The following SGSM1 variants were observed in gnomAD, a reference collection of about 807,000 sequenced individuals.
SGSM1 encodes the protein small G protein signaling modulator 1.
SGSM1 carries 73 observed loss-of-function variants against 133.8 expected under a neutral mutation model. The ratio of observed to expected loss-of-function variants is 0.55; its 90% confidence interval spans 0.45 to 0.66. The LOEUF is 0.66. Among genes scored for constraint, SGSM1 ranks in the 30% least tolerant of loss-of-function variants. The pLI is 0.00. For missense variants in SGSM1, 1,213 were observed against 1,448.1 expected (o/e 0.84, Z 2.64); for synonymous variants, 563 against 573.0 (o/e 0.98, Z 0.25).
At chr22:24,870,443 TC>T (rs993699424) in intron 12 of SGSM1, among the ~76,000 whole-genome samples, 20 of 152,308 alleles carry the variant, frequency 1.3e-4, no homozygotes, top group African/African-American at 4.8e-4. Flanking sequence ...CTCCACAGCT[TC>T]TCATCCAACA....
intron 2 of SGSM1, among the ~76,000 whole-genome samples, chr22:24,810,295 C>T (rs1427447276): frequency 1.6e-4 from 25 of 151,764 alleles, no homozygotes; most frequent in Non-Finnish European, 5.9e-5. Flanking sequence ...ATAAACCCTG[C>T]GAGAACACCC....
chr22:24,885,664 C>T (rs1488327635), intron 15 of SGSM1, among the ~76,000 whole-genome samples: 2 of 151,262 alleles, frequency 1.3e-5, no homozygotes, highest in African/African-American at 2.4e-5. Context: ...CCTCGTGATC[C>T]GCCTGCCTCG....
chr22:24,867,042 A>G lies in SGSM1; in HGVS notation c.927-51A>G, dbSNP rs2147872259. 4 of 1,587,446 alleles carry G rather than the reference A, an allele frequency of 2.5e-6. No homozygotes were observed. The East Asian group carries it at 6.8e-5, about 27-fold the overall frequency. ...TCTGCTGGCCTCTGAGCCCCTCCGCACAGTGGGGTAGGCAGAAGTCCTGCA... is the reference window on the plus strand; with the variant it reads ...TCTGCTGGCCTCTGAGCCCCTCCGCGCAGTGGGGTAGGCAGAAGTCCTGCA... On this transcript the variant is annotated intron_variant, in intron 9 of 24. Transcript: ENST00000400358.
At chr22:24,919,215 T>C (rs1433391768) in intron 23 of SGSM1, among the ~76,000 whole-genome samples, 1 of 143,010 alleles carries the variant, frequency 7.0e-6, no homozygotes, top group Non-Finnish European at 1.5e-5. Context: ...GCCTGACTAA[T>C]TTTTTTTGTA....
intron 2 of SGSM1, among the ~76,000 whole-genome samples, chr22:24,823,016 A>G (rs1348066274): frequency 1.3e-5 from 2 of 152,192 alleles, no homozygotes; most frequent in African/African-American, 2.4e-5. Flanking sequence ...GAACAAACCT[A>G]CTGTGTGCCA....
intron 2 of SGSM1, among the ~76,000 whole-genome samples, chr22:24,817,878 TTA>T (rs1928201320): frequency 6.6e-6 from 1 of 152,192 alleles, no homozygotes; most frequent in South Asian, 2.1e-4. Context: ...CTGCAGACTT[TTA>T]ATCATGTCCT....
chr22:24,823,894 A>G (rs1056053370), intron 2 of SGSM1, among the ~76,000 whole-genome samples: 15 of 152,168 alleles, frequency 9.9e-5, no homozygotes, highest in Admixed American at 3.9e-4. Flanking sequence ...TGGGCAACAC[A>G]CTCTGTCCCT....
chr22:24,890,383 G>T (rs909765933), intron 16 of SGSM1, among the ~76,000 whole-genome samples: 2 of 152,088 alleles, frequency 1.3e-5, no homozygotes, highest in Admixed American at 6.6e-5. Flanking sequence ...GAGGTCCCAG[G>T]TACCCATCAC....
intron 2 of SGSM1, among the ~76,000 whole-genome samples, chr22:24,811,738 G>T (rs1459714040): frequency 6.6e-6 from 1 of 151,860 alleles, no homozygotes; most frequent in Non-Finnish European, 1.5e-5. Flanking sequence ...GCATTGTGGT[G>T]CATGCCTGTA....
intron 12 of SGSM1, chr22:24,874,355 C>A: frequency 6.6e-7 from 1 of 1,520,316 alleles, no homozygotes; most frequent in Non-Finnish European, 8.8e-7. Flanking sequence ...CCAGCTGTCT[C>A]AGTGTCCTGC....
intron 15 of SGSM1, among the ~76,000 whole-genome samples, chr22:24,885,865 G>C (rs1408450881): frequency 6.6e-6 from 1 of 152,136 alleles, no homozygotes; most frequent in Admixed American, 6.5e-5. Flanking sequence ...ATGATGCCAC[G>C]ACAGATATCC....
chr22:24,850,411 A>G lies in SGSM1; in HGVS notation c.434A>G (p.His145Arg), dbSNP rs900059372. 3 of 1,613,964 alleles carry G rather than the reference A, an allele frequency of 1.9e-6. No individual in the cohort carries two copies. Among genetic ancestry groups the G allele is most frequent in the Non-Finnish European group, 8.5e-7 (1 of 1,179,884 alleles). The change falls in exon 5 of 25, where the codon CAT (histidine) becomes CGT (arginine). Residue 145 changes from histidine (H) to arginine (R), a missense_variant. Transcript: ENST00000400358. ...GAGAAGGTCCTGGACAAAATTGTGCATTACCTTGTGGAAAACAGCAGGTGA... is the reference window on the plus strand; with the variant it reads ...GAGAAGGTCCTGGACAAAATTGTGCGTTACCTTGTGGAAAACAGCAGGTGA... ...LFEKVLDKIVHYLVENSSKYY... is the reference protein window; with the variant it reads ...LFEKVLDKIVRYLVENSSKYY...
chr22:24,911,305 T>C (rs1933610383), intron 21 of SGSM1, among the ~76,000 whole-genome samples: 1 of 150,662 alleles, frequency 6.6e-6, no homozygotes, highest in Admixed American at 6.6e-5. Flanking sequence ...TTTTTTTTTT[T>C]TTTGAGATGG....
intron 11 of SGSM1, 60 bp downstream of exon 11, chr22:24,868,599 T>A: frequency 6.2e-7 from 1 of 1,611,650 alleles, no homozygotes; most frequent in South Asian, 1.1e-5. Flanking sequence ...AGGGTGGTTG[T>A]TTTTGCCTGT....
Position 24,876,639 on chromosome 22 carries a change from CG to C in SGSM1, c.1356del (p.Lys453SerfsTer28). 6.2e-7 allele frequency: 1 copy of C among 1,613,988 alleles called. No homozygotes were observed. Among genetic ancestry groups the C allele is most frequent in the South Asian group, 1.1e-5 (1 of 91,076 alleles). The part of the protein sequence containing the change: ...NLPSLWQPSP[R>X]KSSCSSCSQS... ...CCCATCCCTGTGGCAGCCCAGTCCC[CG>C]GAAGTCCTCCTGTTCATCCTGTTCA... On this transcript the variant is annotated frameshift_variant, in exon 13 of 25. Coordinates refer to ENST00000400358, the MANE Select transcript of SGSM1 (RefSeq NM_001098497.3). LOFTEE classifies it high-confidence loss of function.
intron 2 of SGSM1, among the ~76,000 whole-genome samples, chr22:24,822,955 G>A (rs1206000849): frequency 6.6e-6 from 1 of 152,224 alleles, no homozygotes; most frequent in African/African-American, 2.4e-5. Flanking sequence ...GGGCTCAAGT[G>A]TGTAAAGCAC....
intron 2 of SGSM1, among the ~76,000 whole-genome samples, chr22:24,839,658 C>G (rs1042413108): frequency 1.3e-5 from 2 of 152,084 alleles, no homozygotes; most frequent in African/African-American, 4.8e-5. Context: ...ATAGCATCTC[C>G]CTGCTATGAT....
intron 21 of SGSM1, among the ~76,000 whole-genome samples, chr22:24,905,788 C>CA (rs539155528): frequency 0.062 from 5,512 of 88,270 alleles, 389 homozygotes; most frequent in African/African-American, 0.19. Context: ...GACTCTGTCT[C>CA]AAAAAAAAAA....
intron 2 of SGSM1, among the ~76,000 whole-genome samples, chr22:24,833,025 C>T (rs1601902360): frequency 6.6e-6 from 1 of 151,994 alleles, no homozygotes. Context: ...ACCTCTGCCT[C>T]CTGGGTTCAA....
Sources: allele counts gnomAD v4.1 joint callset (sites outside exome capture counted in the v4.1 genomes callset), GRCh38; gene constraint gnomAD v4.1.1; transcripts MANE v1.5; gene names NCBI Gene and HGNC (gene_info 2026-07-23, HGNC 2026-07-21).